The following SPTBN5 variants were observed in gnomAD, a reference collection of about 807,000 sequenced individuals.
The protein encoded by SPTBN5 is spectrin beta chain, non-erythrocytic 5.
In SPTBN5, 513 loss-of-function variants were observed where a neutral mutation model predicts 477.6. That is an observed-to-expected ratio of 1.07 (90% CI 1.00 to 1.16). The LOEUF is 1.16. SPTBN5 is among the 50% of genes most tolerant of loss of function. SPTBN5 has a pLI of 0.00. For missense variants in SPTBN5, 5,062 were observed against 4,731.8 expected, an observed-to-expected ratio of 1.07 and a Z score of -2.05; for synonymous variants, 2,169 against 2,011.7, an observed-to-expected ratio of 1.08 and a Z score of -2.09.
In SPTBN5 at chr15:41,886,160, G is replaced by C; in HGVS notation, c.1095C>G (p.Ala365=). The C allele has an allele frequency of 6.2e-7, 1 of 1,612,408 alleles. No homozygotes were observed. The highest frequency in any genetic ancestry group is 8.5e-7 in the Non-Finnish European group (1 of 1,179,524). The part of the protein sequence containing the change: ...EKPPRLQQRG[A]AEALLFRLQT... ...GTAGCCGGAAGAGCAGGGCCTCTGC[G>C]GCCCCTCGCTGCTGTAGCCGGGGTG... Residue 365 remains alanine, a synonymous_variant, in exon 7 of 68, where the codon GCC becomes GCG. Transcript: ENST00000320955.
At chr15:41,874,817 A>T (rs1220191466) in intron 23 of SPTBN5, 25 bp downstream of exon 23, 1 of 1,587,260 alleles carries the variant, frequency 6.3e-7, no homozygotes, top group Admixed American at 1.7e-5. Flanking sequence ...AGTGACACAC[A>T]GGTGGGTGGG....
chr15:41,888,232 T>C, intron 4 of SPTBN5, 147 bp from the exon 5 acceptor site: 2 of 813,798 alleles, frequency 2.5e-6, no homozygotes, highest in South Asian at 1.8e-5. Flanking sequence ...CTTCAGAGTA[T>C]CTGATTTTGC....
Position 41,853,311 on chromosome 15 carries a change from G to A in SPTBN5, c.10117C>T (p.Leu3373=), listed in dbSNP as rs1327123517. 6.2e-7 allele frequency: 1 copy of A among 1,612,216 alleles called. No homozygotes were observed. The highest frequency in any genetic ancestry group is 8.5e-7 in the Non-Finnish European group (1 of 1,179,142). Residue 3373 remains leucine, a synonymous_variant, in exon 59 of 68, where the codon CTG becomes TTG. Coordinates refer to ENST00000320955, the MANE Select transcript of SPTBN5 (RefSeq NM_016642.4). ...ACCAGCTGCTGTCCTTCCTGCCGCA[G>A]GTCCTGGGCTTGAAGGCGGCACTCC... is the stretch of plus-strand genomic sequence containing the variant. ...IRECRLQAQD[L]RQEGQQLVDN...
intron 13 of SPTBN5, among the ~76,000 whole-genome samples, 166 bp from the exon 14 acceptor site, chr15:41,880,478 G>A (rs79737274): frequency 6.6e-6 from 1 of 152,226 alleles, no homozygotes; most frequent in African/African-American, 2.4e-5. Flanking sequence ...CTCTCTCAGA[G>A]CCCTCTTGGC....
rs571092818 is a variant in SPTBN5, at chr15:41,883,088, G to C, written c.1800C>G (p.Asp600Glu). The change falls in exon 9 of 68, where the codon GAC becomes GAG. Residue 600 changes from aspartate to glutamate, a missense_variant. Asp to Glu is a conservative substitution (Grantham distance 45). Coordinates refer to ENST00000320955, the MANE Select transcript of SPTBN5 (RefSeq NM_016642.4). ...SHLAQQTAEL[D>E]SSLGTSVEVL... is the part of the protein sequence containing the mutation. ...CCTCCACACTGGTGCCCAGGGAGGA[G>C]TCCAGCTCTGCTGTCTGCTGAGCAA... 5.0e-6 allele frequency: 8 copies of C among 1,603,010 alleles called. No homozygotes were observed. Among genetic ancestry groups the C allele is most frequent in the Middle Eastern group, 1.7e-4 (1 of 5,962 alleles).
Position 41,854,081 on chromosome 15 carries a change from C to A in SPTBN5, c.9743G>T (p.Arg3248Leu), listed in dbSNP as rs367982601. ...EDGGHSLSSV[R>L]TLQQQHRRLE... is the part of the protein sequence containing the mutation. The stretch of plus-strand genomic sequence containing the variant: ...GCGCCTGTGCTGTTGCTGCAGGGTC[C>A]GCACAGATGACAGGCTGTGGCCTCC... Residue 3248 changes from arginine (R) to leucine (L), a missense_variant, in exon 57 of 68, where the codon CGG becomes CTG. Transcript: ENST00000320955. 122 of 1,577,502 alleles carry A rather than the reference C, an allele frequency of 7.7e-5. No homozygotes were observed. Among genetic ancestry groups the A allele is most frequent in the Middle Eastern group, 5.0e-4 (3 of 6,038 alleles).
At position 41,860,695 on chromosome 15, in the gene SPTBN5, C is replaced by T; in HGVS notation, c.7879G>A (p.Val2627Met). The T allele has an allele frequency of 1.3e-6, 2 of 1,597,664 alleles. No homozygotes were observed. Among genetic ancestry groups the T allele is most frequent in the East Asian group, 2.3e-5 (1 of 44,156 alleles). ...KHKMLEWDLE[V>M]QAGKISALEA... The stretch of plus-strand genomic sequence containing the variant: ...AGAGCACTGATCTTTCCCGCCTGCA[C>T]CTCCAGGTCCCACTCCAGCATCTTG... Residue 2627 changes from valine (V) to methionine (M), a missense_variant, in exon 47 of 68, where the codon GTG becomes ATG. Transcript: ENST00000320955.
rs756663149 is a variant in SPTBN5 at position 41,868,567 on chromosome 15, C to G, written c.5888G>C (p.Arg1963Pro). The G allele has an allele frequency of 6.2e-7, 1 of 1,601,774 alleles. No homozygotes were observed. The highest frequency in any genetic ancestry group is 1.1e-5 in the South Asian group (1 of 91,078). ...ACTCTCCTCCACCTGCAGGTCCTGG[C>G]GCACGCGGGCTGCCCAGGAGGCATA... ...RDYASWAARV[R>P]QDLQVEESSQ... Residue 1963 changes from arginine to proline, a missense_variant, in exon 33 of 68, where the codon CGC becomes CCC. Arg to Pro is a moderately radical substitution (Grantham distance 103). Transcript: ENST00000320955.
At chr15:41,861,355 T>C in intron 46 of SPTBN5, 64 bp downstream of exon 46, 1 of 1,434,358 alleles carries the variant, frequency 7.0e-7, no homozygotes, top group Non-Finnish European at 9.8e-7. Flanking sequence ...CAGCACTGGC[T>C]GGTTTGACCC....
rs1282353157 is a variant in SPTBN5 at position 41,886,354 on chromosome 15, G to A, written c.901C>T (p.Leu301Phe). The A allele has an allele frequency of 1.9e-6, 3 of 1,601,276 alleles. No homozygotes were observed. The highest frequency in any genetic ancestry group is 2.6e-6 in the Non-Finnish European group (3 of 1,173,180). Residue 301 changes from leucine to phenylalanine, a missense_variant, in exon 7 of 68, where the codon CTC becomes TTC. Coordinates refer to ENST00000320955, the MANE Select transcript of SPTBN5 (RefSeq NM_016642.4). ...QRRLTKILLQLQETELLQTQY... is the reference protein window; with the variant it reads ...QRRLTKILLQFQETELLQTQY... ...GTCTGCAGCAGCTCTGTCTCCTGGA[G>A]CTGAAGCAGGATCTGGTGGAGGGCA...
chr15:41,874,401 T>G lies in SPTBN5; in HGVS notation c.4580A>C (p.His1527Pro). The G allele has an allele frequency of 6.2e-7, 1 of 1,613,670 alleles. No homozygotes were observed. The change falls in exon 24 of 68, where the codon CAC becomes CCC. Residue 1527 changes from histidine to proline, a missense_variant. Transcript: ENST00000320955. Reference sequence around the variant, plus strand: ...CCAAGAGAGCTCCATGTTGCTCAGGTGGCAGAACTGGTGCAGCTCCACTGA... The same window carrying G: ...CCAAGAGAGCTCCATGTTGCTCAGGGGGCAGAACTGGTGCAGCTCCACTGA... ...QASVELHQFCHLSNMELSWVA... is the reference protein window; with the variant it reads ...QASVELHQFCPLSNMELSWVA...
At chr15:41,849,427 A>C (rs942896565) in intron 67 of SPTBN5, among the ~76,000 whole-genome samples, 1 of 152,152 alleles carries the variant, frequency 6.6e-6, no homozygotes, top group African/African-American at 2.4e-5. Context: ...GGTTGGAACA[A>C]GGGTGGGGCA....
At chr15:41,851,018 G>A in intron 65 of SPTBN5, 41 bp downstream of exon 65, 1 of 1,597,888 alleles carries the variant, frequency 6.3e-7, no homozygotes, top group Admixed American at 1.7e-5. Context: ...GAGCCAGGTG[G>A]CTGCTGGGGG....
Position 41,850,940 on chromosome 15 carries a change from C to G in SPTBN5, c.10836-1G>C. The G allele has an allele frequency of 1.9e-6, 3 of 1,562,212 alleles. No individual in the cohort carries two copies. Among genetic ancestry groups the G allele is most frequent in the Non-Finnish European group, 2.6e-6 (3 of 1,164,164 alleles). The stretch of plus-strand genomic sequence containing the variant: ...CAGGATCTCTGCCCCACTGGTCAGC[C>G]TGGCACCCACAGTCACAGGTCAAAC... On this transcript the variant is annotated splice_acceptor_variant, in intron 65 of 67. Coordinates refer to ENST00000320955, the MANE Select transcript of SPTBN5 (RefSeq NM_016642.4). LOFTEE classifies it high-confidence loss of function.
chr15:41,874,886 G>A lies in SPTBN5; in HGVS notation c.4458C>T (p.Ala1486=), dbSNP rs371939937. The change falls in exon 23 of 68, where the codon GCC becomes GCT. Residue 1486 remains alanine, a synonymous_variant. Coordinates refer to ENST00000320955, the MANE Select transcript of SPTBN5 (RefSeq NM_016642.4). ...AALASMAHGM[A]ASPAILEETQ... ...TCTCTTCCAGGATGGCCGGGGAGGC[G>A]GCCATGCCATGGGCCATGGAGGCGA... 4.0e-5 allele frequency: 64 copies of A among 1,612,042 alleles called. No homozygotes were observed. The highest frequency in any genetic ancestry group is 1.1e-4 in the African/African-American group (8 of 74,910).
At chr15:41,871,976 C>T (rs975724483) in intron 27 of SPTBN5, 59 bp from the exon 28 acceptor site, 58 of 1,460,478 alleles carry the variant, frequency 4.0e-5, no homozygotes, top group Non-Finnish European at 4.6e-5. Context: ...GGGGGCCAGT[C>T]GGGCCAGCCA....
At position 41,852,748 on chromosome 15, in the gene SPTBN5, A is replaced by C; in HGVS notation, c.10348-13T>G. ...CTGACACTGAGTGCTGGGGAGAAGCATGTTCAGGTGACGCCCAGCTTGGGG... is the reference window on the plus strand; with the variant it reads ...CTGACACTGAGTGCTGGGGAGAAGCCTGTTCAGGTGACGCCCAGCTTGGGG... On this transcript the variant is annotated splice_polypyrimidine_tract_variant and intron_variant, in intron 60 of 67. Coordinates refer to ENST00000320955, the MANE Select transcript of SPTBN5 (RefSeq NM_016642.4). 1 of 1,590,362 alleles carries C rather than the reference A, an allele frequency of 6.3e-7. No individual in the cohort carries two copies. The highest frequency in any genetic ancestry group is 8.6e-7 in the Non-Finnish European group (1 of 1,161,626).
chr15:41,855,493 C>T (rs2065906497), intron 54 of SPTBN5, 56 bp downstream of exon 54: 5 of 1,594,614 alleles, frequency 3.1e-6, no homozygotes, highest in Non-Finnish European at 4.3e-6. Context: ...AGTCTCCTGC[C>T]ATCTCTGTAG....
intron 42 of SPTBN5, 25 bp downstream of exon 42, chr15:41,862,765 C>T (rs774133147): frequency 2.6e-6 from 4 of 1,551,940 alleles, no homozygotes; most frequent in Admixed American, 1.9e-5. Context: ...ATGCCCTGGG[C>T]CCAGCTCTAC....
Sources: allele counts gnomAD v4.1 joint callset (sites outside exome capture counted in the v4.1 genomes callset), GRCh38; gene constraint gnomAD v4.1.1; transcripts MANE v1.5; gene names NCBI Gene and HGNC (gene_info 2026-07-23, HGNC 2026-07-21).